Variants in PROS1 observed in about 807,000 individuals in gnomAD.
PROS1 encodes the protein protein S, also known as vitamin K-dependent protein S.
PROS1 carries 29 observed loss-of-function variants against 75.9 expected under a neutral mutation model. The observed-to-expected ratio is 0.38, with a 90% CI of 0.28 to 0.52. PROS1 has a LOEUF of 0.52. PROS1 is among the 20% of genes least tolerant of loss of function. PROS1 has a pLI of 0.83. For synonymous variants in PROS1, 245 were observed against 280.6 expected (o/e 0.87, Z 1.27); for missense variants, 680 against 810.3 (o/e 0.84, Z 1.95).
At chr3:93,928,824 A>C (rs775736913) in intron 1 of PROS1, 31 of 942,116 alleles carry the variant, frequency 3.3e-5, no homozygotes, top group Admixed American at 5.2e-5. Context: ...ATAAACAATC[A>C]TATAAACCAT....
In PROS1 at chr3:93,877,185, G is replaced by T. The variant is rs762910577; in HGVS notation, c.1651C>A (p.Leu551Met). The T allele has an allele frequency of 7.6e-6, 12 of 1,589,216 alleles. No homozygotes were observed. Among genetic ancestry groups the T allele is most frequent in the Non-Finnish European group, 1.0e-5 (12 of 1,157,688 alleles). Reference protein sequence around the residue: ...DSTSEKSQDILLSVENTVIYR... With the variant: ...DSTSEKSQDIMLSVENTVIYR... ...ATTACAGTATTTTCAACAGATAACA[G>T]AATATCCTGAAGAGCAGAGCAAAGA... The change falls in exon 14 of 15, where the codon CTG becomes ATG. Residue 551 changes from leucine to methionine, a missense_variant. Physicochemically the swap from Leu to Met is conservative, Grantham distance 15. Transcript: ENST00000394236.
At chr3:93,921,336 C>G (rs1708941241) in intron 3 of PROS1, among the ~76,000 whole-genome samples, 2 of 152,084 alleles carry the variant, frequency 1.3e-5, no homozygotes, top group Admixed American at 6.5e-5. Flanking sequence ...CTTTTATTCC[C>G]TCACTTAAAT....
chr3:93,897,361 T>C (rs1180257306), intron 8 of PROS1, among the ~76,000 whole-genome samples: 2 of 151,872 alleles, frequency 1.3e-5, no homozygotes, highest in African/African-American at 4.8e-5. Flanking sequence ...ATTGAACACA[T>C]ATGAGGATAT....
chr3:93,934,628 T>C (rs1709154664), intron 1 of PROS1, among the ~76,000 whole-genome samples: 1 of 152,122 alleles, frequency 6.6e-6, no homozygotes, highest in Non-Finnish European at 1.5e-5. Context: ...CATTAAGAGA[T>C]AGGTGTGGAT....
intron 1 of PROS1, among the ~76,000 whole-genome samples, chr3:93,927,879 GTA>G (rs1709044675): frequency 7.8e-6 from 1 of 128,368 alleles, no homozygotes; most frequent in African/African-American, 2.8e-5. Context: ...ATATATGTGT[GTA>G]TGTGTATATA....
intron 6 of PROS1, 66 bp downstream of exon 6, chr3:93,905,718 A>T: frequency 6.4e-7 from 1 of 1,560,562 alleles, no homozygotes; most frequent in Non-Finnish European, 8.8e-7. Context: ...TTTGCTAGTA[A>T]AATTTCTCTA....
chr3:93,911,890 G>C (rs899185340), intron 3 of PROS1, among the ~76,000 whole-genome samples: 1 of 152,122 alleles, frequency 6.6e-6, no homozygotes, highest in Non-Finnish European at 1.5e-5. Context: ...TCTACCTCTT[G>C]ATGAGGACAC....
At chr3:93,944,435 C>T (rs1207307660) in intron 1 of PROS1, among the ~76,000 whole-genome samples, 4 of 152,142 alleles carry the variant, frequency 2.6e-5, no homozygotes, top group South Asian at 2.1e-4. Context: ...TCTAAAAGAA[C>T]AGAAATTATA....
At position 93,973,770 on chromosome 3, in the gene PROS1, C is replaced by T. The variant is rs752168816; in HGVS notation, c.-21G>A. ...CTCATTTCGAAGCGCGCGGAGGCGC[C>T]GGCAGGGACGGTGGCGCGTCGCGGC... On this transcript the variant is annotated 5_prime_UTR_variant, in exon 1 of 15. Coordinates refer to ENST00000394236, the MANE Select transcript of PROS1 (RefSeq NM_000313.4). 54 of 1,602,616 alleles carry T rather than the reference C, an allele frequency of 3.4e-5. No individual in the cohort carries two copies. The highest frequency in any genetic ancestry group is 4.2e-5 in the Non-Finnish European group (49 of 1,174,434).
intron 1 of PROS1, among the ~76,000 whole-genome samples, chr3:93,936,464 G>C (rs572221016): frequency 6.6e-6 from 1 of 151,732 alleles, no homozygotes; most frequent in Admixed American, 6.6e-5. Flanking sequence ...AATAATAAAG[G>C]ATTAGTGTCC....
chr3:93,969,115 T>C (rs1288434536), intron 1 of PROS1, among the ~76,000 whole-genome samples: 1 of 150,854 alleles, frequency 6.6e-6, no homozygotes. Context: ...GTTTTTGCTT[T>C]TGTTTTCTTT....
chr3:93,972,706 G>C (rs1052069288), intron 1 of PROS1, among the ~76,000 whole-genome samples: 1 of 151,424 alleles, frequency 6.6e-6, no homozygotes, highest in Non-Finnish European at 1.5e-5. Context: ...AAAAATAGCC[G>C]GGTGTCGAAG....
intron 3 of PROS1, among the ~76,000 whole-genome samples, chr3:93,918,804 C>T (rs887018929): frequency 6.6e-6 from 1 of 152,146 alleles, no homozygotes; most frequent in Non-Finnish European, 1.5e-5. Context: ...CCTCAGCCTC[C>T]CAAAGTGTTG....
chr3:93,900,670 C>T, intron 7 of PROS1, 134 bp downstream of exon 7: 1 of 1,272,866 alleles, frequency 7.9e-7, no homozygotes, highest in Non-Finnish European at 1.1e-6. Context: ...CCAATGATTA[C>T]CCAATTGAAC....
intron 3 of PROS1, among the ~76,000 whole-genome samples, chr3:93,916,852 T>G (rs1708857987): frequency 1.3e-5 from 2 of 152,242 alleles, no homozygotes; most frequent in Admixed American, 6.5e-5. Flanking sequence ...ACAATCAAAC[T>G]GGTTTCCTTT....
intron 8 of PROS1, among the ~76,000 whole-genome samples, chr3:93,898,225 T>C (rs1290479084): frequency 6.6e-6 from 1 of 152,116 alleles, no homozygotes; most frequent in African/African-American, 2.4e-5. Flanking sequence ...CTCTCTAAAC[T>C]GTGACTCTAC....
In PROS1 at chr3:93,922,820, T is replaced by C. The variant is rs117842788; in HGVS notation, c.259+1420A>G. The stretch of plus-strand genomic sequence containing the variant: ...GTGGAATTCACCACACATGCCTATA[T>C]ACAAATAAAGACCAAAATATGAAAT... On this transcript the variant is annotated intron_variant, in intron 3 of 14. Transcript: ENST00000394236. Among the ~76,000 whole-genome samples the C allele has an allele frequency of 1.0e-3, 156 of 152,290 alleles. 2 individuals carry two copies. The East Asian group carries it at 0.029, about 28-fold the overall frequency.
chr3:93,904,809 A>G (rs1392894351), intron 6 of PROS1, among the ~76,000 whole-genome samples: 1 of 152,176 alleles, frequency 6.6e-6, no homozygotes, highest in Non-Finnish European at 1.5e-5. Context: ...ACAGTATACA[A>G]AGAGAAAAAA....
chr3:93,920,767 CT>C lies in PROS1; in HGVS notation c.259+3472del, dbSNP rs1301197386. On this transcript the variant is annotated intron_variant, in intron 3 of 14. Transcript: ENST00000394236. ...GTTTACTGCAGATTTTGTTCACTTT[CT>C]TTTTCTTTTCTCTCTCTTTCTCTTT... 2.0e-5 allele frequency among the ~76,000 whole-genome samples: 3 copies of C among 151,954 alleles called. No individual in the cohort carries two copies. The South Asian group carries it at 6.2e-4, about 31-fold the overall frequency.
Sources: gnomAD v4.1 joint callset for allele counts (sites outside exome capture counted in the v4.1 genomes callset) on GRCh38, gnomAD v4.1.1 for gene constraint, MANE v1.5 for transcripts, NCBI Gene and HGNC (gene_info 2026-07-23, HGNC 2026-07-21) for gene names.